CNTN5: variants seen among roughly 807,000 people sequenced by gnomAD.
The protein encoded by CNTN5 is contactin-5.
Under a neutral mutation model 129.1 loss-of-function variants are expected in CNTN5, and 77 were observed. The ratio of observed to expected loss-of-function variants is 0.60; its 90% CI spans 0.50 to 0.72. The LOEUF is 0.72. CNTN5 is among the 30% of genes least tolerant of loss of function. The pLI, the probability that CNTN5 is intolerant of heterozygous loss-of-function variation, is 0.00. For synonymous variants in CNTN5, 509 were observed against 465.6 expected (o/e 1.09, Z -1.20); for missense variants, 1,478 against 1,328.8 (o/e 1.11, Z -1.75).
chr11:99,386,551 G>A (rs571324535), intron 2 of CNTN5, among the ~76,000 whole-genome samples: 134 of 152,136 alleles, frequency 8.8e-4, no homozygotes, highest in African/African-American at 3.0e-3. Flanking sequence ...TCTTGGTTTC[G>A]GTGGGTTTTA....
At chr11:99,944,786 C>A (rs1291560702) in intron 7 of CNTN5, among the ~76,000 whole-genome samples, 2 of 152,016 alleles carry the variant, frequency 1.3e-5, no homozygotes, top group African/African-American at 4.8e-5. Context: ...GAATACATAC[C>A]TAGGAATACA....
chr11:100,103,143 T>C (rs369051072), intron 13 of CNTN5, among the ~76,000 whole-genome samples: 1 of 152,202 alleles, frequency 6.6e-6, no homozygotes, highest in African/African-American at 2.4e-5. Context: ...TTCATCCACA[T>C]TTTAAAAGTG....
chr11:99,127,741 A>G (rs1858715706), intron 1 of CNTN5, among the ~76,000 whole-genome samples: 1 of 152,148 alleles, frequency 6.6e-6, no homozygotes, highest in African/African-American at 2.4e-5. Flanking sequence ...GTCCTTCAAG[A>G]TATCCATTAT....
At chr11:99,910,074 A>G (rs143749251) in intron 6 of CNTN5, among the ~76,000 whole-genome samples, 172 of 152,236 alleles carry the variant, frequency 1.1e-3, no homozygotes, top group African/African-American at 4.1e-3. Flanking sequence ...TAATAGCTCT[A>G]GATTTTTAAA....
At chr11:99,059,627 G>T (rs1864791666) in intron 1 of CNTN5, among the ~76,000 whole-genome samples, 1 of 151,906 alleles carries the variant, frequency 6.6e-6, no homozygotes, top group Admixed American at 6.6e-5. Context: ...GCTGCCAAGT[G>T]TTATTAACAT....
chr11:99,160,730 T>C (rs1280221915), intron 1 of CNTN5, among the ~76,000 whole-genome samples: 2 of 152,094 alleles, frequency 1.3e-5, no homozygotes, highest in African/African-American at 4.8e-5. Flanking sequence ...TTTGAAGCAC[T>C]GGCAAAGATA....
chr11:99,853,836 GA>G (rs768661471), intron 6 of CNTN5, among the ~76,000 whole-genome samples: 9 of 148,468 alleles, frequency 6.1e-5, no homozygotes, highest in East Asian at 3.9e-4. Context: ...TATAAGTGGA[GA>G]AAAAAAAAAT....
chr11:99,444,191 T>A (rs1943961212), intron 2 of CNTN5, among the ~76,000 whole-genome samples: 1 of 151,430 alleles, frequency 6.6e-6, no homozygotes, highest in Non-Finnish European at 1.5e-5. Flanking sequence ...AGAGCAAAAC[T>A]CTGTCTCAAA....
In CNTN5 at chr11:99,463,397, CACTGCACTCCA is replaced by C. The variant is rs1197586605; in HGVS notation, c.-70-92745_-70-92735del. On this transcript the variant is annotated intron_variant, in intron 2 of 24. Coordinates refer to ENST00000524871, the MANE Select transcript of CNTN5 (RefSeq NM_014361.4). The stretch of plus-strand genomic sequence containing the variant: ...AGCTTACAGTGAGCCGAGATCGCGC[CACTGCACTCCA>C]ACCTGGGCAACAGAGCGAGACTCTG... 4.3e-5 allele frequency among the ~76,000 whole-genome samples: 6 copies of C among 138,956 alleles called. No homozygotes were observed. In the South Asian group the frequency reaches 1.4e-3, roughly 33 times the overall value. 91.2% of individuals were successfully genotyped at this position (138,956 alleles called of 152,430 possible). A position where few individuals can be genotyped will look rare whatever the true frequency, so the allele number is the denominator to read the frequency against.
chr11:99,839,929 G>A (rs537565853), intron 4 of CNTN5, among the ~76,000 whole-genome samples: 10 of 151,896 alleles, frequency 6.6e-5, no homozygotes, highest in Non-Finnish European at 8.8e-5. Context: ...GAGCAAATGA[G>A]AAATAAATTT....
At chr11:100,061,665 A>G (rs1355565112) in intron 10 of CNTN5, among the ~76,000 whole-genome samples, 1 of 152,132 alleles carries the variant, frequency 6.6e-6, no homozygotes, top group Non-Finnish European at 1.5e-5. Context: ...CCAGCACTAT[A>G]CTCTGACAAG....
At chr11:99,412,657 C>G (rs1942451566) in intron 2 of CNTN5, among the ~76,000 whole-genome samples, 1 of 152,134 alleles carries the variant, frequency 6.6e-6, no homozygotes, top group East Asian at 1.9e-4. Context: ...GAGAAGGAAA[C>G]AGCCTTGAAG....
At chr11:99,764,355 G>T (rs1944683200) in intron 3 of CNTN5, among the ~76,000 whole-genome samples, 1 of 136,330 alleles carries the variant, frequency 7.3e-6, no homozygotes, top group African/African-American at 2.6e-5. Flanking sequence ...TTTTCTCCTA[G>T]TCAGCCACAT....
chr11:99,934,945 T>C (rs912702839), intron 7 of CNTN5, among the ~76,000 whole-genome samples: 2 of 78,358 alleles, frequency 2.6e-5, no homozygotes, highest in Non-Finnish European at 4.7e-5. Flanking sequence ...TATATATATA[T>C]ATACACACAC....
At chr11:99,223,906 T>C (rs1348956994) in intron 1 of CNTN5, among the ~76,000 whole-genome samples, 1 of 152,240 alleles carries the variant, frequency 6.6e-6, no homozygotes, top group African/African-American at 2.4e-5. Context: ...ATATTTCCAG[T>C]TCCCTTAACC....
intron 2 of CNTN5, among the ~76,000 whole-genome samples, chr11:99,409,769 A>G (rs1942305185): frequency 6.6e-6 from 1 of 152,224 alleles, no homozygotes; most frequent in African/African-American, 2.4e-5. Flanking sequence ...GTTGCATTTT[A>G]CTAGTATGGC....
At chr11:99,088,591 C>G (rs2135308411) in intron 1 of CNTN5, among the ~76,000 whole-genome samples, 1 of 152,258 alleles carries the variant, frequency 6.6e-6, no homozygotes, top group East Asian at 1.9e-4. Context: ...GGAAAAGCAA[C>G]AGCAGCAGCA....
chr11:100,012,047 TATCAAACTAAA>T (rs1442486502), intron 9 of CNTN5, among the ~76,000 whole-genome samples: 1 of 152,176 alleles, frequency 6.6e-6, no homozygotes, highest in South Asian at 2.1e-4. Context: ...GGTATTTGTC[TATCAAACTAAA>T]ATCAAATTAC....
At chr11:99,854,101 A>G (rs926421681) in intron 6 of CNTN5, among the ~76,000 whole-genome samples, 3 of 152,198 alleles carry the variant, frequency 2.0e-5, no homozygotes, top group Admixed American at 2.0e-4. Context: ...CAATGGACAT[A>G]TTAATAGTGC....
Sources: gnomAD v4.1 joint callset for allele counts (sites outside exome capture counted in the v4.1 genomes callset) on GRCh38, gnomAD v4.1.1 for gene constraint, MANE v1.5 for transcripts, NCBI Gene and HGNC (gene_info 2026-07-23, HGNC 2026-07-21) for gene names.